Variants in PCDHA1 observed in about 807,000 individuals in gnomAD.
PCDHA1 encodes the protein protocadherin alpha-1.
In PCDHA1, 42 loss-of-function variants were observed where a neutral mutation model predicts 61.3. The observed-to-expected ratio is 0.69, with a 90% confidence interval of 0.54 to 0.89. PCDHA1 has a LOEUF of 0.89. Among genes scored for constraint, PCDHA1 ranks in the 40% least tolerant of loss-of-function variants. The pLI is 0.00. For missense variants in PCDHA1, 1,256 were observed against 1,235.3 expected (o/e 1.02, Z -0.25); for synonymous variants, 610 against 553.8 (o/e 1.10, Z -1.43).
chr5:140,817,277 G>A (rs146326021), intron 1 of PCDHA1: 61 of 152,396 alleles, frequency 4.0e-4, no homozygotes, highest in African/African-American at 1.4e-3. Context: ...ATGGAACTGT[G>A]CTGCTGGATG....
intron 1 of PCDHA1, among the ~76,000 whole-genome samples, chr5:140,806,731 T>TA: frequency 6.6e-6 from 1 of 152,366 alleles, no homozygotes; most frequent in South Asian, 2.1e-4. Context: ...AGTTTACAGT[T>TA]ACATGTTTAC....
At chr5:140,896,000 AG>A (rs1239259521) in intron 1 of PCDHA1, among the ~76,000 whole-genome samples, 1 of 152,064 alleles carries the variant, frequency 6.6e-6, no homozygotes, top group Non-Finnish European at 1.5e-5. Flanking sequence ...AAGTAGAGAC[AG>A]GGTTTCTCCA....
chr5:140,857,139 T>A (rs1554149566), intron 1 of PCDHA1: 1 of 1,598,268 alleles, frequency 6.3e-7, no homozygotes, highest in South Asian at 1.1e-5. Context: ...GATGCTCAAG[T>A]GGGCACCGTC....
chr5:140,869,809 A>G, intron 1 of PCDHA1: 15 of 1,612,564 alleles, frequency 9.3e-6, no homozygotes, highest in Non-Finnish European at 1.3e-5. Flanking sequence ...CTTGGATGTC[A>G]ACGACAATGA....
In PCDHA1 at chr5:140,822,755, TC is replaced by T; in HGVS notation, c.2394+34074del. 3.7e-6 allele frequency: 6 copies of T among 1,613,922 alleles called. No individual in the cohort carries two copies. In the South Asian group the frequency reaches 6.6e-5, roughly 18 times the overall value. ...ATTGATGCCATGGATAAAAGTACAT[TC>T]CCATTATCAGGACACTGTAAAGTAG... On this transcript the variant is annotated intron_variant, in intron 1 of 3. Transcript: ENST00000504120.
intron 1 of PCDHA1, among the ~76,000 whole-genome samples, chr5:140,919,511 G>A (rs782614998): frequency 1.3e-5 from 2 of 151,848 alleles, no homozygotes; most frequent in Non-Finnish European, 2.9e-5. Flanking sequence ...TTTTCTATAT[G>A]TTTTAATTCT....
At chr5:140,796,742 A>T (rs1762130584) in intron 1 of PCDHA1, 1 of 1,613,988 alleles carries the variant, frequency 6.2e-7, no homozygotes, top group Admixed American at 1.7e-5. Context: ...GTGGTGGCGA[A>T]GGTGCGCGCA....
chr5:140,968,587 C>T (rs1554230892), intron 1 of PCDHA1: 8 of 1,614,196 alleles, frequency 5.0e-6, no homozygotes, highest in Non-Finnish European at 6.8e-6. Context: ...TCACCAAAGT[C>T]ATAGCTATGG....
chr5:140,967,955 A>C (rs1422637534), intron 1 of PCDHA1: 5 of 1,614,078 alleles, frequency 3.1e-6, no homozygotes, highest in Non-Finnish European at 4.2e-6. Flanking sequence ...CTCAGGCCCC[A>C]ACCGGAAAGT....
At chr5:140,875,647 C>T (rs1554167823) in intron 1 of PCDHA1, 1 of 1,613,694 alleles carries the variant, frequency 6.2e-7, no homozygotes, top group Non-Finnish European at 8.5e-7. Context: ...GCTGGCGGAG[C>T]TGGTGCCGCG....
chr5:140,842,047 C>T (rs2150327967), intron 1 of PCDHA1: 2 of 1,613,806 alleles, frequency 1.2e-6, no homozygotes, highest in Non-Finnish European at 8.5e-7. Context: ...CTCCCACTTT[C>T]GAACAGTCTG....
chr5:140,787,935 G>A lies in PCDHA1; in HGVS notation c.1645G>A (p.Val549Met), dbSNP rs61743799. ...GGGCGTGCCGCCTCTGGGCAGCAAC[G>A]TGACGCTGCAGGTGTTCGTGCTGGA... is the stretch of plus-strand genomic sequence containing the variant. ...DAGVPPLGSN[V>M]TLQVFVLDEN... is the part of the protein sequence containing the mutation. The change falls in exon 1 of 4, where the codon GTG becomes ATG. Residue 549 changes from valine (V) to methionine (M), a missense_variant. Coordinates refer to ENST00000504120, the MANE Select transcript of PCDHA1 (RefSeq NM_018900.4). The A allele has an allele frequency of 2.6e-3, 4,256 of 1,613,852 alleles. 77 individuals carry two copies. In the African/African-American group the frequency reaches 0.05, roughly 19 times the overall value.
intron 1 of PCDHA1, chr5:140,875,985 G>C (rs1351463699): frequency 1.8e-5 from 29 of 1,613,832 alleles, no homozygotes; most frequent in Non-Finnish European, 2.3e-5. Context: ...TGACCTATGC[G>C]TTAAGTCTAA....
At chr5:140,875,966 ACT>A (rs782792514) in intron 1 of PCDHA1, 11 of 1,613,922 alleles carry the variant, frequency 6.8e-6, no homozygotes, top group Admixed American at 6.7e-5. Context: ...ATCGGCGTAA[ACT>A]CTCTTTTGAC....
chr5:140,875,947 G>C (rs1554168112), intron 1 of PCDHA1: 1 of 1,614,184 alleles, frequency 6.2e-7, no homozygotes, highest in Admixed American at 1.7e-5. Flanking sequence ...GGGCGCTTCT[G>C]ATGCGGATAT....
At chr5:140,914,451 C>A (rs879984519) in intron 1 of PCDHA1, among the ~76,000 whole-genome samples, 1 of 152,094 alleles carries the variant, frequency 6.6e-6, no homozygotes, top group Non-Finnish European at 1.5e-5. Context: ...TCTTTATTTT[C>A]CAGTCTATGT....
At chr5:140,870,346 G>A in intron 1 of PCDHA1, 5 of 1,614,236 alleles carry the variant, frequency 3.1e-6, no homozygotes, top group Non-Finnish European at 4.2e-6. Context: ...CCTGGACCGC[G>A]AGAACGTGTG....
intron 1 of PCDHA1, chr5:140,967,880 A>G (rs782459653): frequency 4.3e-6 from 7 of 1,614,060 alleles, no homozygotes; most frequent in Non-Finnish European, 2.5e-6. Context: ...GGACCTGTAT[A>G]GCCCAGTGCC....
At chr5:140,889,415 G>A (rs192243576) in intron 1 of PCDHA1, among the ~76,000 whole-genome samples, 212 of 152,058 alleles carry the variant, frequency 1.4e-3, no homozygotes, top group African/African-American at 5.0e-3. Flanking sequence ...AGTCAGTTAC[G>A]TAGATAATAT....
Sources: allele counts gnomAD v4.1 joint callset (sites outside exome capture counted in the v4.1 genomes callset), GRCh38; gene constraint gnomAD v4.1.1; transcripts MANE v1.5; gene names NCBI Gene and HGNC (gene_info 2026-07-23, HGNC 2026-07-21).